The following PPM1E variants were observed in gnomAD, a reference collection of about 807,000 sequenced individuals.
PPM1E encodes protein phosphatase, Mg2+/Mn2+ dependent 1E, also known as protein phosphatase 1E.
Under a neutral mutation model 65.9 loss-of-function variants are expected in PPM1E, and 20 were observed. The observed-to-expected ratio is 0.30, with a 90% CI of 0.21 to 0.44. The LOEUF is 0.44. Among genes scored for constraint, PPM1E ranks in the 20% least tolerant of loss-of-function variants. The pLI is 1.00. For missense variants in PPM1E, 713 were observed against 953.1 expected, an observed-to-expected ratio of 0.75 and a Z score of 3.32; for synonymous variants, 352 against 374.9, an observed-to-expected ratio of 0.94 and a Z score of 0.70.
intron 1 of PPM1E, among the ~76,000 whole-genome samples, chr17:58,885,121 A>G (rs1343806330): frequency 1.3e-5 from 2 of 152,032 alleles, no homozygotes; most frequent in Non-Finnish European, 2.9e-5. Context: ...CAGTGGCGTG[A>G]TCTCGGCTCA....
intron 1 of PPM1E, among the ~76,000 whole-genome samples, chr17:58,857,895 C>T (rs1351806245): frequency 6.6e-6 from 1 of 152,014 alleles, no homozygotes; most frequent in Admixed American, 6.6e-5. Flanking sequence ...AAATTCCGTC[C>T]AATGTGTTTA....
At chr17:58,937,643 G>A (rs1246694613) in intron 1 of PPM1E, among the ~76,000 whole-genome samples, 4 of 148,734 alleles carry the variant, frequency 2.7e-5, no homozygotes, top group Admixed American at 2.0e-4. Context: ...TTGGGAGGCC[G>A]AAGTGGGTGG....
At chr17:58,827,271 G>A (rs553372048) in intron 1 of PPM1E, among the ~76,000 whole-genome samples, 1 of 151,088 alleles carries the variant, frequency 6.6e-6, no homozygotes, top group Non-Finnish European at 1.5e-5. Flanking sequence ...CCAAGTAGCT[G>A]TGATTATAGG....
chr17:58,783,501 G>T (rs574964431), intron 1 of PPM1E, among the ~76,000 whole-genome samples: 1 of 152,294 alleles, frequency 6.6e-6, no homozygotes, highest in Non-Finnish European at 1.5e-5. Context: ...CATGTATCCA[G>T]ATTTAGGTAC....
At chr17:58,939,191 TA>T (rs1211194718) in intron 1 of PPM1E, among the ~76,000 whole-genome samples, 1 of 152,226 alleles carries the variant, frequency 6.6e-6, no homozygotes, top group Middle Eastern at 3.2e-3. Context: ...ATAATTTGTG[TA>T]AGTAAAGTAC....
intron 1 of PPM1E, among the ~76,000 whole-genome samples, chr17:58,865,268 TC>T (rs1445950411): frequency 6.6e-6 from 1 of 152,078 alleles, no homozygotes; most frequent in Non-Finnish European, 1.5e-5. Flanking sequence ...GCGCCTGTAG[TC>T]CCAGCTACTT....
intron 1 of PPM1E, among the ~76,000 whole-genome samples, chr17:58,759,477 G>T (rs976908507): frequency 2.0e-5 from 3 of 152,142 alleles, no homozygotes; most frequent in Non-Finnish European, 4.4e-5. Flanking sequence ...GTTTATATGG[G>T]TCAATATTTT....
chr17:58,909,929 T>C (rs1168116650), intron 1 of PPM1E, among the ~76,000 whole-genome samples: 44 of 135,932 alleles, frequency 3.2e-4, no homozygotes, highest in African/African-American at 1.2e-3. Flanking sequence ...TTTTTCTTTT[T>C]TTTTTTTTTT....
chr17:58,867,848 AG>A (rs2051022970), intron 1 of PPM1E, among the ~76,000 whole-genome samples: 1 of 152,150 alleles, frequency 6.6e-6, no homozygotes. Context: ...ATGGGGGCTG[AG>A]GGAACTAAGA....
chr17:58,969,161 G>C (rs1209752650), intron 3 of PPM1E, among the ~76,000 whole-genome samples: 1 of 152,022 alleles, frequency 6.6e-6, no homozygotes, highest in African/African-American at 2.4e-5. Flanking sequence ...CACTCAATCT[G>C]GAGCTGCTTT....
chr17:58,839,055 A>AT (rs2050691197), intron 1 of PPM1E, among the ~76,000 whole-genome samples: 6 of 88,152 alleles, frequency 6.8e-5, no homozygotes, highest in Admixed American at 3.7e-4. Flanking sequence ...GCAGAGTGGT[A>AT]TTTTAGGTGG....
intron 2 of PPM1E, among the ~76,000 whole-genome samples, chr17:58,956,105 C>T (rs1408002325): frequency 6.6e-6 from 1 of 152,068 alleles, no homozygotes; most frequent in Non-Finnish European, 1.5e-5. Context: ...AGGGAGAATT[C>T]GAGCAAAACC....
At chr17:58,970,477 G>A (rs2030531095) in intron 4 of PPM1E, among the ~76,000 whole-genome samples, 1 of 152,092 alleles carries the variant, frequency 6.6e-6, no homozygotes, top group East Asian at 1.9e-4. Context: ...AGTAGATACA[G>A]ACAAAAAATA....
chr17:58,764,654 G>T (rs1044116182), intron 1 of PPM1E, among the ~76,000 whole-genome samples: 1 of 152,082 alleles, frequency 6.6e-6, no homozygotes, highest in Non-Finnish European at 1.5e-5. Flanking sequence ...GTCTCGCTCT[G>T]TCACCCGGGC....
chr17:58,983,839 AAAC>A lies in PPM1E; in HGVS notation c.*2811_*2813del, dbSNP rs1297482913. ...GAATAGGAAATAGTAAAATAAATCC[AAAC>A]AAGAGTGTAATATTGGTTAGGGAAA... On this transcript the variant is annotated 3_prime_UTR_variant, in exon 7 of 7. Transcript: ENST00000308249. The A allele has an allele frequency of 6.6e-6, 1 of 152,652 alleles. No homozygotes were observed. The highest frequency in any genetic ancestry group is 1.5e-5 in the Non-Finnish European group (1 of 68,030). 9.5% of individuals were successfully genotyped at this position (152,652 alleles called of 1,614,324 possible).
At chr17:58,951,995 G>A (rs2052246537) in intron 1 of PPM1E, among the ~76,000 whole-genome samples, 1 of 152,150 alleles carries the variant, frequency 6.6e-6, no homozygotes, top group Admixed American at 6.5e-5. Flanking sequence ...ATCTTATGGA[G>A]TAGTTTTCAT....
chr17:58,806,776 T>C (rs1326910171), intron 1 of PPM1E, among the ~76,000 whole-genome samples: 2 of 149,654 alleles, frequency 1.3e-5, no homozygotes, highest in Non-Finnish European at 3.0e-5. Flanking sequence ...CTCGGCTCAC[T>C]GCAACCTCCA....
At chr17:58,855,491 G>GT (rs1394123596) in intron 1 of PPM1E, among the ~76,000 whole-genome samples, 4 of 152,294 alleles carry the variant, frequency 2.6e-5, no homozygotes, top group South Asian at 4.1e-4. Context: ...TAAAGGCCTA[G>GT]TTATAGCAAT....
intron 1 of PPM1E, among the ~76,000 whole-genome samples, chr17:58,802,371 A>G (rs28755430): frequency 4.6e-4 from 70 of 152,130 alleles, no homozygotes; most frequent in African/African-American, 1.7e-3. Flanking sequence ...TGGGCTTTCT[A>G]TTCTGTTCCA....
Sources: gnomAD v4.1 joint callset for allele counts (sites outside exome capture counted in the v4.1 genomes callset) on GRCh38, gnomAD v4.1.1 for gene constraint, MANE v1.5 for transcripts, NCBI Gene and HGNC (gene_info 2026-07-23, HGNC 2026-07-21) for gene names.